Variants in FGF1 observed in about 807,000 individuals in gnomAD.
FGF1 encodes the protein beta-endothelial cell growth factor.
Under a neutral mutation model 13.4 loss-of-function variants are expected in FGF1, and 9 were observed. The ratio of observed to expected loss-of-function variants is 0.67; its 90% CI spans 0.40 to 1.17. The LOEUF (loss-of-function observed/expected upper bound fraction) is 1.17, where lower values mean the gene tolerates loss of function less well. Among genes scored for constraint, FGF1 ranks in the 50% most tolerant of loss-of-function variants. FGF1 has a pLI of 0.01. For missense variants in FGF1, 156 were observed against 192.7 expected (o/e 0.81, Z 1.13); for synonymous variants, 93 against 79.0 (o/e 1.18, Z -0.94).
intron 2 of FGF1, among the ~76,000 whole-genome samples, chr5:142,692,872 C>A (rs1013046312): frequency 3.2e-4 from 49 of 151,524 alleles, no homozygotes; most frequent in Admixed American, 2.8e-3. Flanking sequence ...AATCTGGATC[C>A]CCAGTTTCTT....
At chr5:142,668,396 T>C (rs1024982618) in intron 1 of FGF1, among the ~76,000 whole-genome samples, 8 of 152,368 alleles carry the variant, frequency 5.3e-5, no homozygotes, top group Admixed American at 4.6e-4. Flanking sequence ...GCATTCGTGA[T>C]GTTTATGTGA....
chr5:142,688,138 T>C (rs1751557349), upstream of FGF1, among the ~76,000 whole-genome samples: 1 of 152,206 alleles, frequency 6.6e-6, no homozygotes, highest in Admixed American at 6.5e-5. Flanking sequence ...ATATAATCCC[T>C]AGCTACTGAC....
chr5:142,622,186 A>G (rs1761761650), intron 1 of FGF1, among the ~76,000 whole-genome samples: 1 of 152,250 alleles, frequency 6.6e-6, no homozygotes, highest in African/African-American at 2.4e-5. Flanking sequence ...TGAATGGGCA[A>G]ATGAATGTAA....
At chr5:142,646,065 C>T (rs1431811763) in intron 1 of FGF1, among the ~76,000 whole-genome samples, 2 of 152,176 alleles carry the variant, frequency 1.3e-5, no homozygotes, top group East Asian at 3.9e-4. Context: ...CCTGCCACCA[C>T]ACCCGGCTAA....
intron 1 of FGF1, among the ~76,000 whole-genome samples, chr5:142,662,693 G>T (rs17099178): frequency 0.057 from 8,642 of 152,206 alleles, 357 homozygotes; most frequent in Middle Eastern, 0.15. Flanking sequence ...TATGGAGTGC[G>T]TGAATGAAAC....
At chr5:142,629,583 T>C (rs1762998296) in intron 1 of FGF1, among the ~76,000 whole-genome samples, 1 of 152,150 alleles carries the variant, frequency 6.6e-6, no homozygotes, top group Non-Finnish European at 1.5e-5. Context: ...TATCTCAGAC[T>C]GAAACATGTT....
At chr5:142,618,996 A>G (rs1217062043) in intron 1 of FGF1, among the ~76,000 whole-genome samples, 8 of 131,218 alleles carry the variant, frequency 6.1e-5, no homozygotes, top group South Asian at 2.3e-4. Flanking sequence ...TTGCAGTGGC[A>G]CAATCTCGGC....
At chr5:142,664,228 C>T (rs763887036) in intron 1 of FGF1, among the ~76,000 whole-genome samples, 4 of 152,168 alleles carry the variant, frequency 2.6e-5, no homozygotes, top group African/African-American at 4.8e-5. Flanking sequence ...GGCTGCCCAC[C>T]TGAAGGAACA....
rs1020699700 is a variant in FGF1, at chr5:142,637,244, A to G, written c.-34-23083T>C. 8.6e-5 allele frequency among the ~76,000 whole-genome samples: 13 copies of G among 151,972 alleles called. 1 individual carries two copies. Among genetic ancestry groups the G allele is most frequent in the African/African-American group, 3.2e-4 (13 of 41,236 alleles). The stretch of plus-strand genomic sequence containing the variant: ...AAAGATACAAGGAATATAATTTCCA[A>G]ACAAGATGTGCTGCTTTGAGAATGT... On this transcript the variant is annotated intron_variant, in intron 1 of 3. Coordinates refer to ENST00000337706, the MANE Select transcript of FGF1 (RefSeq NM_000800.5).
chr5:142,595,553 T>A, intron 3 of FGF1, 69 bp from the exon 4 acceptor site: 1 of 1,365,680 alleles, frequency 7.3e-7, no homozygotes, highest in Non-Finnish European at 1.0e-6. Flanking sequence ...CCCCATTTAC[T>A]AGCTGTGTGA....
intron 3 of FGF1, among the ~76,000 whole-genome samples, chr5:142,595,727 T>A (rs1254069373): frequency 2.6e-5 from 4 of 152,240 alleles, no homozygotes; most frequent in Non-Finnish European, 4.4e-5. Flanking sequence ...TTCCTTTCCA[T>A]TTAAAATCCA....
rs534447109 is a variant in FGF1 at position 142,642,982 on chromosome 5, A to G, written c.-34-28821T>C. ...GCCTGATTAGGTTAGTCATTATGCTAAACATTTGTTTAGGCAATGCTTACC... is the reference window on the plus strand; with the variant it reads ...GCCTGATTAGGTTAGTCATTATGCTGAACATTTGTTTAGGCAATGCTTACC... On this transcript the variant is annotated intron_variant, in intron 1 of 3. Transcript: ENST00000337706. Among the ~76,000 whole-genome samples the G allele has an allele frequency of 4.6e-5, 7 of 152,360 alleles. No individual in the cohort carries two copies. The South Asian group carries it at 1.4e-3, about 32-fold the overall frequency.
chr5:142,654,996 C>T (rs1767901491), intron 1 of FGF1, among the ~76,000 whole-genome samples: 1 of 152,254 alleles, frequency 6.6e-6, no homozygotes, highest in Admixed American at 6.5e-5. Context: ...TGGCCCACCC[C>T]AGCTCCAAGG....
At chr5:142,689,345 A>G (rs1751765081), upstream of FGF1, among the ~76,000 whole-genome samples, 1 of 152,218 alleles carries the variant, frequency 6.6e-6, no homozygotes, top group Admixed American at 6.5e-5. Context: ...AGTTAGATGA[A>G]GGGTGTCCTG....
chr5:142,627,381 A>G (rs1762629350), intron 1 of FGF1, among the ~76,000 whole-genome samples: 1 of 152,232 alleles, frequency 6.6e-6, no homozygotes, highest in Non-Finnish European at 1.5e-5. Flanking sequence ...CCGAAATACC[A>G]GTTTATAATG....
At chr5:142,694,018 G>A (rs1292481591) in intron 2 of FGF1, among the ~76,000 whole-genome samples, 3 of 150,462 alleles carry the variant, frequency 2.0e-5, no homozygotes, top group African/African-American at 7.4e-5. Context: ...ATTTCTCTTG[G>A]GTCTAGCAGT....
intron 1 of FGF1, among the ~76,000 whole-genome samples, chr5:142,634,673 A>G (rs1763952702): frequency 6.6e-6 from 1 of 152,218 alleles, no homozygotes; most frequent in South Asian, 2.1e-4. Context: ...TGATAAGCTT[A>G]CCACAAATAG....
chr5:142,643,872 G>A (rs1239687788), intron 1 of FGF1, among the ~76,000 whole-genome samples: 1 of 152,200 alleles, frequency 6.6e-6, no homozygotes, highest in Non-Finnish European at 1.5e-5. Context: ...AAACTGATAG[G>A]TTTATTATGA....
intron 1 of FGF1, among the ~76,000 whole-genome samples, chr5:142,682,168 C>T (rs1165085572): frequency 6.6e-6 from 1 of 151,686 alleles, no homozygotes; most frequent in Non-Finnish European, 1.5e-5. Context: ...TCGCTGCAAA[C>T]TCTGCCTCCC....
Sources: allele counts gnomAD v4.1 joint callset (sites outside exome capture counted in the v4.1 genomes callset), GRCh38; gene constraint gnomAD v4.1.1; transcripts MANE v1.5; gene names NCBI Gene and HGNC (gene_info 2026-07-23, HGNC 2026-07-21).